ADAMTSL1: variants seen among roughly 807,000 people sequenced by gnomAD.
ADAMTSL1 encodes ADAMTS-like protein 1.
ADAMTSL1 carries 126 observed loss-of-function variants against 201.8 expected under a neutral mutation model. The ratio of observed to expected loss-of-function variants is 0.62; its 90% CI spans 0.54 to 0.72. The LOEUF (loss-of-function observed/expected upper bound fraction) is 0.72. ADAMTSL1 is among the 30% of genes least tolerant of loss of function. The probability of loss-of-function intolerance (pLI) is 0.00; values close to 1 mark genes in which losing one functional copy is unlikely to be tolerated. For missense variants in ADAMTSL1, 2,679 were observed against 2,277.8 expected (o/e 1.18, Z -3.59); for synonymous variants, 1,121 against 903.4 (o/e 1.24, Z -4.32).
chr9:18,380,017 A>T (rs1186132936), intron 2 of ADAMTSL1, among the ~76,000 whole-genome samples: 1 of 152,142 alleles, frequency 6.6e-6, no homozygotes, highest in African/African-American at 2.4e-5. Flanking sequence ...TTAAAATAAG[A>T]AATTGTTGAC....
At chr9:17,996,356 G>C (rs62551549) in intron 1 of ADAMTSL1, among the ~76,000 whole-genome samples, 1 of 152,144 alleles carries the variant, frequency 6.6e-6, no homozygotes, top group South Asian at 2.1e-4. Context: ...GGATGTTAGA[G>C]AGAAGATGGG....
chr9:18,104,229 C>T (rs1824655550), intron 1 of ADAMTSL1, among the ~76,000 whole-genome samples: 1 of 152,162 alleles, frequency 6.6e-6, no homozygotes. Flanking sequence ...CTCTTCTCTG[C>T]TGAATGATCT....
At chr9:18,178,150 C>T (rs892303611) in intron 2 of ADAMTSL1, among the ~76,000 whole-genome samples, 6 of 152,244 alleles carry the variant, frequency 3.9e-5, no homozygotes, top group South Asian at 4.1e-4. Context: ...AGACAGTGGG[C>T]GCAGGTCAGT....
chr9:18,409,889 ATTTG>A (rs1421429965), intron 2 of ADAMTSL1, among the ~76,000 whole-genome samples: 6 of 150,576 alleles, frequency 4.0e-5, no homozygotes, highest in Non-Finnish European at 5.9e-5. Context: ...TATAGTGAAA[ATTTG>A]TTTCTTTCCT....
intron 16 of ADAMTSL1, among the ~76,000 whole-genome samples, chr9:18,766,283 C>T (rs1456127162): frequency 1.3e-5 from 2 of 152,052 alleles, no homozygotes; most frequent in Non-Finnish European, 2.9e-5. Context: ...GAATCTGTAG[C>T]GGTTTGCAGG....
intron 26 of ADAMTSL1, among the ~76,000 whole-genome samples, chr9:18,897,808 A>G (rs1288729381): frequency 6.6e-6 from 1 of 152,176 alleles, no homozygotes; most frequent in Non-Finnish European, 1.5e-5. Flanking sequence ...CTCTAAATGA[A>G]TCCAACACTT....
At chr9:18,842,137 C>A (rs1825761026) in intron 23 of ADAMTSL1, among the ~76,000 whole-genome samples, 1 of 151,786 alleles carries the variant, frequency 6.6e-6, no homozygotes, top group African/African-American at 2.4e-5. Flanking sequence ...GTTAGGGTGT[C>A]AATTTTGGAT....
intron 1 of ADAMTSL1, among the ~76,000 whole-genome samples, chr9:18,075,705 T>C (rs1823189010): frequency 6.6e-6 from 1 of 152,146 alleles, no homozygotes; most frequent in Non-Finnish European, 1.5e-5. Flanking sequence ...AGTAACATCC[T>C]TGGCCCCAAG....
At chr9:18,612,209 C>G (rs1825421999) in intron 4 of ADAMTSL1, among the ~76,000 whole-genome samples, 1 of 152,120 alleles carries the variant, frequency 6.6e-6, no homozygotes, top group South Asian at 2.1e-4. Context: ...ACATAGCAGG[C>G]AAGGTGACAA....
At chr9:18,533,949 G>C (rs768584995) in intron 3 of ADAMTSL1, among the ~76,000 whole-genome samples, 1 of 152,176 alleles carries the variant, frequency 6.6e-6, no homozygotes, top group Non-Finnish European at 1.5e-5. Flanking sequence ...GGATTTGAAG[G>C]GTTGACAGTC....
chr9:17,940,709 G>T (rs73646035), intron 1 of ADAMTSL1, among the ~76,000 whole-genome samples: 2 of 65,872 alleles, frequency 3.0e-5, no homozygotes, highest in Non-Finnish European at 5.3e-5. Flanking sequence ...TGTGCATAAC[G>T]TGCAAAAAAA....
At chr9:18,115,027 C>T (rs1031518058) in intron 1 of ADAMTSL1, among the ~76,000 whole-genome samples, 3 of 152,020 alleles carry the variant, frequency 2.0e-5, no homozygotes, top group African/African-American at 7.2e-5. Context: ...AGGGTGTTTG[C>T]CTGGAAGGGA....
In ADAMTSL1 at chr9:18,881,931, A is replaced by T. The variant is rs934475; in HGVS notation, c.4250-5900A>T. ...AGCAGGCTGGGAGGCCCTGGGAACA[A>T]GACCAAGACCCAAGGCTCAGATGGG... On this transcript the variant is annotated intron_variant, in intron 23 of 28. Coordinates refer to ENST00000380548, the MANE Select transcript of ADAMTSL1 (RefSeq NM_001040272.6). 1.6e-4 allele frequency among the ~76,000 whole-genome samples: 25 copies of T among 152,282 alleles called. No homozygotes were observed. In the East Asian group the frequency reaches 4.4e-3, roughly 27 times the overall value.
intron 1 of ADAMTSL1, among the ~76,000 whole-genome samples, chr9:18,070,416 A>G (rs1003953672): frequency 3.3e-5 from 5 of 152,212 alleles, no homozygotes; most frequent in African/African-American, 1.2e-4. Flanking sequence ...ATAGACTCTT[A>G]TACAGTTTTT....
In ADAMTSL1 at chr9:18,543,153, A is replaced by G. The variant is rs143783751; in HGVS notation, c.237+9861A>G. ...ATTATATCCCAGGGGACAAATCAGT[A>G]TCCACCAAAAGAAGTCTAACTTACT... On this transcript the variant is annotated intron_variant, in intron 3 of 28. Transcript: ENST00000380548. 6.5e-4 allele frequency among the ~76,000 whole-genome samples: 99 copies of G among 152,350 alleles called. 2 individuals are homozygous for G. The East Asian group carries it at 0.017, about 26-fold the overall frequency.
chr9:18,017,353 G>T (rs1471468121), intron 1 of ADAMTSL1, among the ~76,000 whole-genome samples: 1 of 151,974 alleles, frequency 6.6e-6, no homozygotes, highest in Non-Finnish European at 1.5e-5. Flanking sequence ...CCAGCAGGGG[G>T]AGTATCCTGC....
At chr9:17,968,154 G>A (rs774943483) in intron 1 of ADAMTSL1, among the ~76,000 whole-genome samples, 1 of 152,092 alleles carries the variant, frequency 6.6e-6, no homozygotes, top group African/African-American at 2.4e-5. Flanking sequence ...GAAGACCTTA[G>A]TGTGTACTGC....
chr9:17,934,021 C>G (rs917623165), intron 1 of ADAMTSL1, among the ~76,000 whole-genome samples: 1 of 152,126 alleles, frequency 6.6e-6, no homozygotes, highest in African/African-American at 2.4e-5. Context: ...ATTAACTTAT[C>G]TGCTGCACAA....
intron 1 of ADAMTSL1, among the ~76,000 whole-genome samples, chr9:18,018,240 C>T (rs1338738257): frequency 6.6e-6 from 1 of 152,022 alleles, no homozygotes; most frequent in African/African-American, 2.4e-5. Flanking sequence ...AATAAGAGCC[C>T]ACTTATATGG....
Sources: allele counts gnomAD v4.1 joint callset (sites outside exome capture counted in the v4.1 genomes callset), GRCh38; gene constraint gnomAD v4.1.1; transcripts MANE v1.5; gene names NCBI Gene and HGNC (gene_info 2026-07-23, HGNC 2026-07-21).